The following ADGRB3 variants were observed in gnomAD, a reference collection of about 807,000 sequenced individuals.
ADGRB3 encodes brain-specific angiogenesis inhibitor 3.
A neutral mutation model predicts 193.4 loss-of-function variants in ADGRB3; 37 were observed. The ratio of observed to expected loss-of-function variants is 0.19; its 90% confidence interval spans 0.15 to 0.25. ADGRB3 has a LOEUF of 0.25. Ranked by LOEUF, ADGRB3 falls within the 10% of genes least tolerant of loss-of-function variation. The probability of loss-of-function intolerance (pLI) is 1.00; values close to 1 mark genes in which losing one functional copy is unlikely to be tolerated. For missense variants in ADGRB3, 1,637 were observed against 1,852.9 expected (o/e 0.88, Z 2.14); for synonymous variants, 690 against 644.2 (o/e 1.07, Z -1.08).
intron 29 of ADGRB3, among the ~76,000 whole-genome samples, chr6:69,367,211 C>T (rs961050016): frequency 3.9e-5 from 6 of 152,060 alleles, no homozygotes; most frequent in African/African-American, 1.4e-4. Flanking sequence ...ATCACAATAC[C>T]TGTGTAGCTA....
intron 17 of ADGRB3, among the ~76,000 whole-genome samples, chr6:69,211,011 A>G (rs1765652716): frequency 1.3e-5 from 2 of 151,964 alleles, no homozygotes; most frequent in Non-Finnish European, 1.5e-5. Context: ...AGTCCCAGCT[A>G]CGCGGGAGGC....
intron 17 of ADGRB3, among the ~76,000 whole-genome samples, chr6:69,115,739 T>C (rs1195636784): frequency 6.6e-6 from 1 of 152,252 alleles, no homozygotes; most frequent in Admixed American, 6.5e-5. Flanking sequence ...TGCAGTTAGC[T>C]GATGGCTTCC....
intron 3 of ADGRB3, among the ~76,000 whole-genome samples, chr6:68,744,145 AAC>A (rs1337030912): frequency 2.6e-5 from 4 of 152,126 alleles, no homozygotes; most frequent in Non-Finnish European, 5.9e-5. Flanking sequence ...AAAAGAAGAA[AAC>A]ACACATTTTA....
At chr6:69,309,930 G>A (rs944698510) in intron 20 of ADGRB3, among the ~76,000 whole-genome samples, 1 of 151,528 alleles carries the variant, frequency 6.6e-6, no homozygotes, top group Non-Finnish European at 1.5e-5. Context: ...GCTCTCCAGA[G>A]AAGACCCAAA....
intron 3 of ADGRB3, among the ~76,000 whole-genome samples, chr6:68,647,037 A>C (rs761116708): frequency 2.0e-5 from 3 of 152,238 alleles, no homozygotes; most frequent in Non-Finnish European, 4.4e-5. Context: ...GGTTGAAAAT[A>C]TGAATGAACA....
intron 3 of ADGRB3, among the ~76,000 whole-genome samples, chr6:68,862,728 C>T (rs1294014554): frequency 6.6e-6 from 1 of 152,004 alleles, no homozygotes; most frequent in Non-Finnish European, 1.5e-5. Flanking sequence ...AACAATGATC[C>T]CTGCTTCCCT....
At position 69,048,317 on chromosome 6, in the gene ADGRB3, C is replaced by T. The variant is rs1159146652; in HGVS notation, c.2240C>T (p.Thr747Ile). Residue 747 changes from threonine to isoleucine, a missense_variant, in exon 14 of 32, where the codon ACT becomes ATT. Physicochemically the swap from Thr to Ile is moderately conservative, Grantham distance 89 (BLOSUM62 -1). Around this residue, in one of 7 missense-constraint regions of ADGRB3, gnomAD observed 641 missense variants for 673.9 expected, o/e 0.95. Transcript: ENST00000370598. ...GTAGTAATTCCAAAAAGCATTTTCA[C>T]TCCGGTGTCATCAAAAGGTAAATAT... ...DRVVIPKSIFTPVSSKELDES... is the reference protein window; with the variant it reads ...DRVVIPKSIFIPVSSKELDES... 5 of 1,613,110 alleles carry T rather than the reference C, an allele frequency of 3.1e-6. No individual in the cohort carries two copies. The African/African-American group carries it at 4.0e-5, about 13-fold the overall frequency.
intron 3 of ADGRB3, among the ~76,000 whole-genome samples, chr6:68,921,947 T>C (rs146876792): frequency 1.3e-3 from 202 of 152,192 alleles, no homozygotes; most frequent in African/African-American, 4.7e-3. Flanking sequence ...TAAAACAAAT[T>C]TTGTGGAATA....
chr6:69,079,020 T>C (rs1479392277), intron 17 of ADGRB3, among the ~76,000 whole-genome samples: 2 of 152,092 alleles, frequency 1.3e-5, no homozygotes, highest in African/African-American at 4.8e-5. Flanking sequence ...GATAAATATT[T>C]CTAGCAATTA....
At chr6:69,055,461 G>GT (rs1209986321) in intron 15 of ADGRB3, among the ~76,000 whole-genome samples, 21 of 152,062 alleles carry the variant, frequency 1.4e-4, no homozygotes, top group East Asian at 1.9e-4. Flanking sequence ...CATATGATAA[G>GT]TTTTTTTTCT....
At chr6:68,880,395 T>C (rs550769777) in intron 3 of ADGRB3, among the ~76,000 whole-genome samples, 153 of 152,330 alleles carry the variant, frequency 1.0e-3, no homozygotes, top group Non-Finnish European at 1.5e-3. Flanking sequence ...GGAAATAACA[T>C]GCAAGTCAAA....
chr6:69,387,419 C>T (rs1265290968), intron 31 of ADGRB3, among the ~76,000 whole-genome samples: 2 of 152,152 alleles, frequency 1.3e-5, no homozygotes, highest in East Asian at 3.9e-4. Flanking sequence ...ATTCCCTCCA[C>T]ACATCCTAAA....
chr6:69,043,538 A>G (rs532915144), intron 13 of ADGRB3, among the ~76,000 whole-genome samples: 1 of 152,328 alleles, frequency 6.6e-6, no homozygotes, highest in South Asian at 2.1e-4. Context: ...ACATAGTCAA[A>G]TATGTTATAA....
chr6:69,283,914 C>G (rs1767495828), intron 20 of ADGRB3, among the ~76,000 whole-genome samples: 3 of 152,114 alleles, frequency 2.0e-5, no homozygotes, highest in Admixed American at 2.0e-4. Context: ...ACATATTCCC[C>G]CATTAAAATA....
intron 26 of ADGRB3, among the ~76,000 whole-genome samples, chr6:69,342,456 A>G (rs1163472933): frequency 6.6e-6 from 1 of 152,132 alleles, no homozygotes; most frequent in African/African-American, 2.4e-5. Context: ...GGAAGATTTC[A>G]TTTAAACACC....
chr6:69,272,436 T>A (rs1339308873), intron 20 of ADGRB3, among the ~76,000 whole-genome samples: 1 of 152,124 alleles, frequency 6.6e-6, no homozygotes, highest in Admixed American at 6.5e-5. Context: ...ATGGAGGACA[T>A]GAAATTAGAA....
intron 11 of ADGRB3, among the ~76,000 whole-genome samples, chr6:68,999,883 A>C (rs1283764372): frequency 6.6e-6 from 1 of 152,190 alleles, no homozygotes; most frequent in Non-Finnish European, 1.5e-5. Flanking sequence ...ACTAAGGGTA[A>C]TATAATAATG....
chr6:69,178,623 G>A (rs937613203), intron 17 of ADGRB3, among the ~76,000 whole-genome samples: 4 of 152,076 alleles, frequency 2.6e-5, no homozygotes, highest in African/African-American at 9.7e-5. Context: ...CTCCCTTAAG[G>A]ATTTCTCATA....
chr6:68,991,453 T>A (rs796312491), intron 10 of ADGRB3, among the ~76,000 whole-genome samples: 12 of 151,928 alleles, frequency 7.9e-5, no homozygotes, highest in African/African-American at 2.9e-4. Context: ...TGACTGAGAA[T>A]GACACGGACT....
Sources: allele counts gnomAD v4.1 joint callset (sites outside exome capture counted in the v4.1 genomes callset), GRCh38; gene constraint gnomAD v4.1.1; regional missense constraint gnomAD v4.1.1; transcripts MANE v1.5; gene names NCBI Gene and HGNC (gene_info 2026-07-23, HGNC 2026-07-21).